The following HDAC9 variants were observed in gnomAD, a reference collection of about 807,000 sequenced individuals.
The protein encoded by HDAC9 is MEF-2 interacting transcription repressor (MITR) protein.
HDAC9 carries 41 observed loss-of-function variants against 139.4 expected under a neutral mutation model. The observed-to-expected ratio is 0.29, with a 90% CI of 0.23 to 0.38. The LOEUF (loss-of-function observed/expected upper bound fraction) is 0.38. HDAC9 is among the 10% of genes least tolerant of loss of function. The pLI, the probability that HDAC9 is intolerant of heterozygous loss-of-function variation, is 1.00. For synonymous variants in HDAC9, 517 were observed against 476.2 expected, an observed-to-expected ratio of 1.09 and a Z score of -1.12; for missense variants, 1,147 against 1,297.0, an observed-to-expected ratio of 0.88 and a Z score of 1.78.
intron 1 of HDAC9, among the ~76,000 whole-genome samples, chr7:18,408,642 A>G (rs567766459): frequency 3.3e-5 from 5 of 152,340 alleles, no homozygotes; most frequent in South Asian, 2.1e-4. Context: ...TGAAATTTAC[A>G]TAGCCTGAAG....
intron 19 of HDAC9, among the ~76,000 whole-genome samples, chr7:18,833,126 G>T (rs966877194): frequency 6.6e-6 from 1 of 152,102 alleles, no homozygotes; most frequent in African/African-American, 2.4e-5. Flanking sequence ...CTAAATATTT[G>T]GTGAATATGA....
intron 2 of HDAC9, among the ~76,000 whole-genome samples, chr7:18,203,509 T>C (rs1791284029): frequency 6.6e-6 from 1 of 152,170 alleles, no homozygotes. Context: ...AGGCATACTA[T>C]TCCAAGTAGA....
At chr7:18,274,387 G>T (rs926885495) in intron 2 of HDAC9, among the ~76,000 whole-genome samples, 2 of 152,130 alleles carry the variant, frequency 1.3e-5, no homozygotes, top group Non-Finnish European at 2.9e-5. Context: ...ATGCAAGAGA[G>T]CAAATCAGAG....
At chr7:18,572,943 C>T (rs543674980) in intron 2 of HDAC9, among the ~76,000 whole-genome samples, 1 of 152,280 alleles carries the variant, frequency 6.6e-6, no homozygotes, top group Admixed American at 6.5e-5. Flanking sequence ...AATTCAAAAG[C>T]ATATTTGCAG....
chr7:18,235,362 G>A (rs993668001), intron 2 of HDAC9, among the ~76,000 whole-genome samples: 2 of 151,672 alleles, frequency 1.3e-5, no homozygotes, highest in South Asian at 4.2e-4. Flanking sequence ...TTTTAACAAC[G>A]AACTCTCTGA....
chr7:18,815,909 T>A (rs1321320433), intron 17 of HDAC9, among the ~76,000 whole-genome samples: 1 of 152,168 alleles, frequency 6.6e-6, no homozygotes, highest in African/African-American at 2.4e-5. Context: ...TTTGTGAAAA[T>A]TCCCTCCCTC....
rs117450557 is a variant in HDAC9 at position 18,153,738 on chromosome 7, A to G, written c.-96-8491A>G. Among the ~76,000 whole-genome samples the G allele has an allele frequency of 2.4e-3, 359 of 152,290 alleles. 1 individual carries two copies. The highest frequency in any genetic ancestry group is 6.8e-3 in the Middle Eastern group (2 of 294). ...CTATTCTCCTGCCTCAGATGGAGGG[A>G]TAAGGAGTAAACAGAATCAGTGCCA... On this transcript the variant is annotated intron_variant, in intron 1 of 12. Coordinates refer to the HDAC9 transcript ENST00000417496.
intron 1 of HDAC9, among the ~76,000 whole-genome samples, chr7:18,294,951 C>T (rs914691801): frequency 2.0e-5 from 3 of 151,946 alleles, no homozygotes; most frequent in African/African-American, 7.3e-5. Flanking sequence ...AATTATGATC[C>T]TATGGTGTTT....
intron 2 of HDAC9, among the ~76,000 whole-genome samples, chr7:18,513,290 C>G (rs1802121863): frequency 6.6e-6 from 1 of 152,108 alleles, no homozygotes; most frequent in Non-Finnish European, 1.5e-5. Context: ...GAGAAGTACA[C>G]AATGTTTATC....
chr7:18,230,666 A>C (rs1171949579), intron 2 of HDAC9, among the ~76,000 whole-genome samples: 2 of 152,180 alleles, frequency 1.3e-5, no homozygotes, highest in Non-Finnish European at 2.9e-5. Context: ...TTTTATATGC[A>C]ATGTTAATGG....
At chr7:18,252,679 T>C (rs536396582) in intron 2 of HDAC9, among the ~76,000 whole-genome samples, 16 of 152,104 alleles carry the variant, frequency 1.1e-4, no homozygotes. Context: ...TTGTGAAAGC[T>C]AGTAATAACT....
At chr7:18,784,961 G>C (rs1791577376) in intron 16 of HDAC9, among the ~76,000 whole-genome samples, 2 of 151,696 alleles carry the variant, frequency 1.3e-5, no homozygotes, top group Non-Finnish European at 2.9e-5. Context: ...GTGTGTGTGT[G>C]TGTGTGTGTG....
chr7:18,806,029 G>C (rs1008850753), intron 17 of HDAC9, among the ~76,000 whole-genome samples: 2 of 152,170 alleles, frequency 1.3e-5, no homozygotes, highest in African/African-American at 4.8e-5. Context: ...CAAACAAAAT[G>C]TGACATTAAG....
chr7:18,995,959 T>A, intron 25 of HDAC9, 64 bp from the exon 26 acceptor site: 1 of 1,280,554 alleles, frequency 7.8e-7, no homozygotes, highest in Non-Finnish European at 1.1e-6. Context: ...TGATTATGCA[T>A]GAAAATCTAC....
chr7:18,519,608 T>C (rs1804355140), intron 2 of HDAC9, among the ~76,000 whole-genome samples: 1 of 152,160 alleles, frequency 6.6e-6, no homozygotes. Context: ...ATGCTTAGTG[T>C]TGATTGTGGT....
chr7:18,559,930 C>T (rs913263032), intron 2 of HDAC9, among the ~76,000 whole-genome samples: 1 of 152,080 alleles, frequency 6.6e-6, no homozygotes. Context: ...TGACCCAAAT[C>T]CTAAAGTCTT....
At chr7:18,483,509 G>T (rs1164708820) in intron 1 of HDAC9, among the ~76,000 whole-genome samples, 1 of 152,188 alleles carries the variant, frequency 6.6e-6, no homozygotes, top group Non-Finnish European at 1.5e-5. Flanking sequence ...TTGTTGTTAT[G>T]ATCATAGGAA....
At chr7:18,536,545 A>G (rs573763359) in intron 2 of HDAC9, among the ~76,000 whole-genome samples, 3 of 152,334 alleles carry the variant, frequency 2.0e-5, no homozygotes, top group East Asian at 3.9e-4. Flanking sequence ...TACATTCAAT[A>G]TATTCTATTT....
intron 23 of HDAC9, among the ~76,000 whole-genome samples, chr7:18,947,140 CAT>C (rs1368495019): frequency 2.0e-5 from 3 of 151,756 alleles, no homozygotes; most frequent in Non-Finnish European, 4.4e-5. Context: ...CTTAGAGAAA[CAT>C]ATGCTTTTAA....
Sources: gnomAD v4.1 joint callset for allele counts (sites outside exome capture counted in the v4.1 genomes callset) on GRCh38, gnomAD v4.1.1 for gene constraint, MANE v1.5 for transcripts, NCBI Gene and HGNC (gene_info 2026-07-23, HGNC 2026-07-21) for gene names.